The following NAALADL2 variants were observed in gnomAD, a reference collection of about 807,000 sequenced individuals.
NAALADL2 encodes N-acetylated alpha-linked acidic dipeptidase like 2.
NAALADL2 carries 76 observed loss-of-function variants against 87.2 expected under a neutral mutation model. That is an observed-to-expected ratio of 0.87 (90% CI 0.72 to 1.05). The LOEUF (loss-of-function observed/expected upper bound fraction) is 1.05. NAALADL2 is among the 50% of genes least tolerant of loss of function. The pLI is 0.00. For missense variants in NAALADL2, 1,089 were observed against 945.8 expected (o/e 1.15, Z -1.99); for synonymous variants, 354 against 331.0 (o/e 1.07, Z -0.75).
intron 2 of NAALADL2, among the ~76,000 whole-genome samples, chr3:174,678,653 C>G (rs1435100472): frequency 1.3e-5 from 2 of 152,104 alleles, no homozygotes; most frequent in African/African-American, 4.8e-5. Context: ...GTATGATAAG[C>G]CTGTGAAAAT....
intron 13 of NAALADL2, among the ~76,000 whole-genome samples, chr3:175,794,886 C>T (rs116301655): frequency 0.019 from 2,877 of 152,268 alleles, 90 homozygotes; most frequent in African/African-American, 0.066. Context: ...ATTTATTTCT[C>T]ACAGTTCTCA....
intron 10 of NAALADL2, among the ~76,000 whole-genome samples, chr3:175,597,033 G>A (rs946103465): frequency 3.9e-5 from 6 of 151,974 alleles, no homozygotes; most frequent in African/African-American, 1.4e-4. Context: ...GGTTTTGACA[G>A]TTTGAGATTG....
chr3:174,812,915 G>T (rs2109301946), intron 3 of NAALADL2, among the ~76,000 whole-genome samples: 1 of 151,808 alleles, frequency 6.6e-6, no homozygotes, highest in African/African-American at 2.4e-5. Flanking sequence ...TTTTACAAAA[G>T]AATCAAAAAA....
intron 1 of NAALADL2, among the ~76,000 whole-genome samples, chr3:175,038,102 T>G (rs747852331): frequency 6.6e-6 from 1 of 152,122 alleles, no homozygotes; most frequent in African/African-American, 2.4e-5. Context: ...GCCTAGATGT[T>G]TTTTTCTTAG....
chr3:174,934,425 A>G (rs1240742748), intron 1 of NAALADL2, among the ~76,000 whole-genome samples: 1 of 152,162 alleles, frequency 6.6e-6, no homozygotes, highest in African/African-American at 2.4e-5. Context: ...AGCTGTTTTC[A>G]GTTTCTGATT....
At chr3:174,976,771 A>T (rs1240795543) in intron 1 of NAALADL2, among the ~76,000 whole-genome samples, 1 of 152,250 alleles carries the variant, frequency 6.6e-6, no homozygotes, top group Non-Finnish European at 1.5e-5. Flanking sequence ...GAAATTCATT[A>T]TGTGATACTG....
At chr3:174,597,417 A>T (rs1464442856) in intron 2 of NAALADL2, among the ~76,000 whole-genome samples, 1 of 152,162 alleles carries the variant, frequency 6.6e-6, no homozygotes, top group East Asian at 1.9e-4. Flanking sequence ...GGCATAGTAA[A>T]CTATTTTTAT....
chr3:175,608,581 A>G (rs916698576), intron 10 of NAALADL2, among the ~76,000 whole-genome samples: 1 of 151,982 alleles, frequency 6.6e-6, no homozygotes, highest in African/African-American at 2.4e-5. Flanking sequence ...AGACTTTGGC[A>G]TACATCCTGA....
At chr3:175,414,279 A>G (rs747925068) in intron 5 of NAALADL2, among the ~76,000 whole-genome samples, 8 of 152,202 alleles carry the variant, frequency 5.3e-5, no homozygotes, top group Non-Finnish European at 1.2e-4. Flanking sequence ...GTCAATGATG[A>G]ATAGTGAATT....
chr3:175,412,734 T>G (rs915642373), intron 5 of NAALADL2, among the ~76,000 whole-genome samples: 1 of 151,782 alleles, frequency 6.6e-6, no homozygotes, highest in Admixed American at 6.6e-5. Context: ...AAATTCTAAA[T>G]TCTTGAAAAA....
At chr3:174,953,482 G>A (rs1740716644) in intron 1 of NAALADL2, among the ~76,000 whole-genome samples, 1 of 151,504 alleles carries the variant, frequency 6.6e-6, no homozygotes, top group Admixed American at 6.6e-5. Flanking sequence ...CTCAGGAGGT[G>A]GATATTTAAG....
At chr3:174,690,884 T>G (rs1357063869) in intron 2 of NAALADL2, among the ~76,000 whole-genome samples, 1 of 152,176 alleles carries the variant, frequency 6.6e-6, no homozygotes, top group Non-Finnish European at 1.5e-5. Flanking sequence ...TGTGTGAACG[T>G]ATGGCATGAC....
At chr3:175,714,183 A>G (rs563127155) in intron 11 of NAALADL2, among the ~76,000 whole-genome samples, 255 of 152,276 alleles carry the variant, frequency 1.7e-3, no homozygotes, top group Middle Eastern at 0.01. Flanking sequence ...TAGTGCTGCA[A>G]TAAACATACG....
intron 5 of NAALADL2, among the ~76,000 whole-genome samples, chr3:175,408,352 C>A (rs1045049348): frequency 2.6e-5 from 4 of 151,916 alleles, no homozygotes; most frequent in Non-Finnish European, 5.9e-5. Flanking sequence ...TTCTACAATG[C>A]ACAACAAAAA....
chr3:175,805,966 A>G lies in NAALADL2; in HGVS notation c.*2763A>G, dbSNP rs917655428. 4 of 151,622 alleles carry G rather than the reference A, an allele frequency of 2.6e-5. No individual in the cohort carries two copies. The highest frequency in any genetic ancestry group is 4.8e-5 in the African/African-American group (2 of 41,380). The allele number at this position is 151,622 out of a possible 1,614,324, so 9.4% of individuals were successfully genotyped here. A position where few individuals can be genotyped will look rare whatever the true frequency, so the allele number is the denominator to read the frequency against. On this transcript the variant is annotated 3_prime_UTR_variant, in exon 14 of 14. Coordinates refer to ENST00000454872, the MANE Select transcript of NAALADL2 (RefSeq NM_207015.3). ...CCACCAGATATAGTAACTAAACCCA[A>G]AGTGAGTAAGAAACTTGGACATAGT...
intron 11 of NAALADL2, among the ~76,000 whole-genome samples, chr3:175,715,807 G>A (rs145720829): frequency 1.9e-3 from 285 of 152,132 alleles, no homozygotes; most frequent in Non-Finnish European, 3.5e-3. Context: ...CCTGGGAGGC[G>A]GAGGTTGCAG....
At chr3:175,538,370 A>G (rs1212186024) in intron 9 of NAALADL2, among the ~76,000 whole-genome samples, 1 of 151,930 alleles carries the variant, frequency 6.6e-6, no homozygotes, top group African/African-American at 2.4e-5. Flanking sequence ...TAAAGTGCAC[A>G]TTTTAGAAAG....
intron 3 of NAALADL2, among the ~76,000 whole-genome samples, chr3:174,818,118 CT>C (rs1412977626): frequency 6.6e-6 from 1 of 152,140 alleles, no homozygotes; most frequent in Admixed American, 6.5e-5. Flanking sequence ...GCTGTGCACT[CT>C]GTTATGCATC....
intron 4 of NAALADL2, among the ~76,000 whole-genome samples, chr3:175,293,484 G>A (rs1038994024): frequency 6.6e-6 from 1 of 152,140 alleles, no homozygotes; most frequent in African/African-American, 2.4e-5. Flanking sequence ...TTTCCAAACA[G>A]TACATTTTTT....
Sources: gnomAD v4.1 joint callset for allele counts (sites outside exome capture counted in the v4.1 genomes callset) on GRCh38, gnomAD v4.1.1 for gene constraint, MANE v1.5 for transcripts, NCBI Gene and HGNC (gene_info 2026-07-23, HGNC 2026-07-21) for gene names.